Variants in TWIST2 observed in about 807,000 individuals in gnomAD.
TWIST2 encodes twist-related protein 2.
Under a neutral mutation model 11.6 loss-of-function variants are expected in TWIST2, and 1 was observed. The observed-to-expected ratio is 0.09, with a 90% CI of 0.03 to 0.41. TWIST2 has a LOEUF of 0.41. Among genes scored for constraint, TWIST2 ranks in the 10% least tolerant of loss-of-function variants. TWIST2 has a pLI of 0.98. For missense variants in TWIST2, 168 were observed against 226.4 expected, an observed-to-expected ratio of 0.74 and a Z score of 1.66; for synonymous variants, 87 against 96.6, an observed-to-expected ratio of 0.90 and a Z score of 0.58.
chr2:238,895,111 T>TGCTGCCACTGCC (rs1169730673), intron 1 of TWIST2, among the ~76,000 whole-genome samples: 20 of 152,356 alleles, frequency 1.3e-4, no homozygotes, highest in African/African-American at 4.3e-4. Context: ...CTGTTGCTGC[T>TGCTGCCACTGCC]GCTGCCACTG....
chr2:238,873,767 C>A (rs943841674), intron 1 of TWIST2, among the ~76,000 whole-genome samples: 1 of 152,082 alleles, frequency 6.6e-6, no homozygotes, highest in Non-Finnish European at 1.5e-5. Flanking sequence ...GATGAGTGGG[C>A]CTGAGGGTAC....
intron 1 of TWIST2, among the ~76,000 whole-genome samples, chr2:238,885,974 T>C (rs1360464351): frequency 6.6e-6 from 1 of 151,738 alleles, no homozygotes; most frequent in Non-Finnish European, 1.5e-5. Flanking sequence ...CAGACGCCTG[T>C]AATCCCAGCT....
chr2:238,852,150 A>G (rs1692252122), intron 1 of TWIST2, among the ~76,000 whole-genome samples: 1 of 152,250 alleles, frequency 6.6e-6, no homozygotes, highest in African/African-American at 2.4e-5. Flanking sequence ...AAAGAAAAAA[A>G]AACACCACAC....
intron 1 of TWIST2, among the ~76,000 whole-genome samples, chr2:238,886,551 A>G (rs559974893): frequency 6.6e-6 from 1 of 151,470 alleles, no homozygotes; most frequent in South Asian, 2.1e-4. Context: ...CCCCAAATCT[A>G]AGGAAGTACA....
At chr2:238,874,205 G>T (rs370198402) in intron 1 of TWIST2, among the ~76,000 whole-genome samples, 1 of 152,176 alleles carries the variant, frequency 6.6e-6, no homozygotes. Flanking sequence ...GGGAAGTGCA[G>T]CTACCACTGT....
At chr2:238,895,530 G>T (rs1693196501) in intron 1 of TWIST2, among the ~76,000 whole-genome samples, 2 of 152,254 alleles carry the variant, frequency 1.3e-5, no homozygotes, top group Non-Finnish European at 2.9e-5. Context: ...TCCTGGACTT[G>T]CAGGGCCCAG....
intron 1 of TWIST2, among the ~76,000 whole-genome samples, chr2:238,890,390 T>C (rs1348382756): frequency 6.6e-6 from 1 of 152,134 alleles, no homozygotes; most frequent in Non-Finnish European, 1.5e-5. Context: ...CATCAGATCC[T>C]CACTTAGGAG....
rs867430883 is a variant in TWIST2, at chr2:238,864,372, C to T, written c.*35+15639C>T. Among the ~76,000 whole-genome samples, 16 of 152,346 alleles carry T rather than the reference C, an allele frequency of 1.1e-4. No homozygotes were observed. Among genetic ancestry groups the T allele is most frequent in the Non-Finnish European group, 1.8e-4 (12 of 68,032 alleles). On this transcript the variant is annotated intron_variant, in intron 1 of 1. Coordinates refer to ENST00000612363, the MANE Select transcript of TWIST2 (RefSeq NM_001271893.4). This position sits in a 1 kb window ranked among gnomAD's most constrained non-coding sequence, Gnocchi z 4.7. ...TAACTGCCAGGGTTAGTCCCCTCCG[C>T]GGGCCTCCTGCATGAATCAGAGCCG...
chr2:238,867,370 A>AACACACACAC lies in TWIST2; in HGVS notation c.*35+18670_*35+18679dup, dbSNP rs1229428285. Among the ~76,000 whole-genome samples the AACACACACAC allele has an allele frequency of 0.14, 16,433 of 119,490 alleles. 1,502 individuals carry two copies. Among genetic ancestry groups the AACACACACAC allele is most frequent in the Admixed American group, 0.19 (2,162 of 11,284 alleles). The allele number at this position is 119,490 out of a possible 152,430, so 78.4% of individuals were successfully genotyped here. A position where few individuals can be genotyped will look rare whatever the true frequency, so the allele number is the denominator to read the frequency against. Reference sequence around the variant, plus strand: ...CTGGGGAGTAAAATGTCCTGCCTTCAACACACACACACACACACACACACA... The same window carrying AACACACACAC: ...CTGGGGAGTAAAATGTCCTGCCTTCAACACACACACACACACACACACACACACACACACA... On this transcript the variant is annotated intron_variant, in intron 1 of 1. Coordinates refer to ENST00000612363, the MANE Select transcript of TWIST2 (RefSeq NM_001271893.4). The surrounding 1 kb of genome is among the most constrained non-coding windows in gnomAD (Gnocchi z 4.8).
intron 1 of TWIST2, among the ~76,000 whole-genome samples, chr2:238,898,962 G>A (rs1248423528): frequency 1.3e-5 from 2 of 152,256 alleles, no homozygotes; most frequent in Non-Finnish European, 2.9e-5. Context: ...CAATGTGACC[G>A]ATGACTGCTC....
chr2:238,860,715 A>G (rs1444658891), intron 1 of TWIST2, among the ~76,000 whole-genome samples: 1 of 152,190 alleles, frequency 6.6e-6, no homozygotes, highest in Non-Finnish European at 1.5e-5. Context: ...AGGCGGGTGG[A>G]TCACCTGAGG....
At chr2:238,909,283 C>T (rs982756750) in intron 1 of TWIST2, among the ~76,000 whole-genome samples, 7,165 of 148,450 alleles carry the variant, frequency 0.048, 359 homozygotes, top group East Asian at 0.14. Context: ...TCTGTGTTGT[C>T]TTTGCAACTT....
intron 1 of TWIST2, among the ~76,000 whole-genome samples, chr2:238,874,172 T>G (rs1166720082): frequency 6.6e-6 from 1 of 152,142 alleles, no homozygotes; most frequent in Non-Finnish European, 1.5e-5. Flanking sequence ...CCTGAGAATT[T>G]GGGGACCAGG....
intron 1 of TWIST2, among the ~76,000 whole-genome samples, chr2:238,858,261 A>G (rs1429715281): frequency 2.0e-5 from 3 of 152,188 alleles, no homozygotes; most frequent in Admixed American, 6.5e-5. Context: ...ACCATAATTA[A>G]CTAATTCTGA....
intron 1 of TWIST2, among the ~76,000 whole-genome samples, chr2:238,905,886 C>T (rs1347377678): frequency 9.1e-5 from 13 of 143,250 alleles, no homozygotes; most frequent in East Asian, 2.1e-4. Context: ...TGTGCATGTG[C>T]GCGCATGCGC....
chr2:238,898,947 T>C (rs1406227449), intron 1 of TWIST2, among the ~76,000 whole-genome samples: 4 of 152,240 alleles, frequency 2.6e-5, no homozygotes, highest in Non-Finnish European at 5.9e-5. Context: ...CGTGTGGTGA[T>C]TGGACAATGT....
chr2:238,848,405 C>G lies in TWIST2; in HGVS notation c.190C>G (p.Leu64Val). 1 of 1,537,338 alleles carries G rather than the reference C, an allele frequency of 6.5e-7. No individual in the cohort carries two copies. Among genetic ancestry groups the G allele is most frequent in the Non-Finnish European group, 8.7e-7 (1 of 1,146,852 alleles). ...GSPSAQSFEE[L>V]QSQRILANVR... ...CCCCAGCGCGCAGTCCTTCGAGGAG[C>G]TGCAGAGCCAGCGCATCCTGGCCAA... Residue 64 changes from leucine (L) to valine (V), a missense_variant, in exon 1 of 2, where the codon CTG becomes GTG. Transcript: ENST00000612363.
intron 1 of TWIST2, among the ~76,000 whole-genome samples, chr2:238,870,365 ACCACACACCCCACACACCCCACACACC>A (rs1559273970): frequency 0.068 from 16 of 234 alleles, 2 homozygotes; most frequent in Non-Finnish European, 0.11. Context: ...CCACACACAC[ACCACACACCCCACACACCCCACACACC>A]CCACACACAC....
intron 1 of TWIST2, among the ~76,000 whole-genome samples, chr2:238,882,594 G>A (rs899593863): frequency 1.3e-5 from 2 of 152,006 alleles, no homozygotes; most frequent in Non-Finnish European, 2.9e-5. Flanking sequence ...AGGCAGCACC[G>A]ACTCACACTC....
Sources: gnomAD v4.1 joint callset for allele counts (sites outside exome capture counted in the v4.1 genomes callset) on GRCh38, gnomAD v4.1.1 for gene constraint, Gnocchi (gnomAD v3.1) non-coding constraint, MANE v1.5 for transcripts, NCBI Gene and HGNC (gene_info 2026-07-23, HGNC 2026-07-21) for gene names.